The following CSMD1 variants were observed in gnomAD, a reference collection of about 807,000 sequenced individuals.
CSMD1 encodes the protein CUB and Sushi multiple domains 1.
CSMD1 carries 213 observed loss-of-function variants against 417.5 expected under a neutral mutation model. The ratio of observed to expected loss-of-function variants is 0.51; its 90% CI spans 0.46 to 0.57. The LOEUF is 0.57. CSMD1 is among the 20% of genes least tolerant of loss of function. The pLI is 0.00. For missense variants in CSMD1, 6,923 were observed against 4,529.7 expected (o/e 1.53, Z -15.17); for synonymous variants, 2,862 against 1,736.8 (o/e 1.65, Z -16.11).
At chr8:4,685,517 A>T (rs1051792833) in intron 1 of CSMD1, among the ~76,000 whole-genome samples, 2 of 152,104 alleles carry the variant, frequency 1.3e-5, no homozygotes, top group African/African-American at 4.8e-5. Context: ...CGGAGGTTGC[A>T]GTGAGTCGAG....
chr8:4,543,008 G>C (rs1797468673), intron 2 of CSMD1, among the ~76,000 whole-genome samples: 1 of 152,138 alleles, frequency 6.6e-6, no homozygotes, highest in African/African-American at 2.4e-5. Context: ...CTATATTTTA[G>C]AGTAGGTTTA....
chr8:3,515,669 G>A (rs1475077026), intron 10 of CSMD1, among the ~76,000 whole-genome samples: 1 of 152,154 alleles, frequency 6.6e-6, no homozygotes, highest in Non-Finnish European at 1.5e-5. Flanking sequence ...AGACCAACTT[G>A]GAACAAGTCA....
intron 52 of CSMD1, among the ~76,000 whole-genome samples, 163 bp from the exon 53 acceptor site, chr8:3,000,294 T>G (rs1216692795): frequency 6.6e-6 from 1 of 151,584 alleles, no homozygotes; most frequent in Non-Finnish European, 1.5e-5. Context: ...GTTTTTCTTT[T>G]TTTTATTATT....
chr8:3,897,927 T>C (rs1036988970), intron 5 of CSMD1, among the ~76,000 whole-genome samples: 1 of 152,336 alleles, frequency 6.6e-6, no homozygotes, highest in Non-Finnish European at 1.5e-5. Context: ...AGTGTATGTT[T>C]AGATATAGTT....
chr8:4,592,892 A>G (rs983015766), intron 2 of CSMD1, among the ~76,000 whole-genome samples: 6 of 152,088 alleles, frequency 3.9e-5, no homozygotes, highest in African/African-American at 1.4e-4. Context: ...CCCAAATTCT[A>G]TGTTAATATT....
At chr8:4,607,404 C>T (rs991242330) in intron 2 of CSMD1, among the ~76,000 whole-genome samples, 1 of 152,040 alleles carries the variant, frequency 6.6e-6, no homozygotes, top group African/African-American at 2.4e-5. Flanking sequence ...TAGAAAATTG[C>T]AGGCAACAAC....
intron 3 of CSMD1, among the ~76,000 whole-genome samples, chr8:4,121,311 C>T (rs947772844): frequency 4.6e-5 from 7 of 152,004 alleles, no homozygotes; most frequent in Admixed American, 3.3e-4. Flanking sequence ...GACACCGTTC[C>T]ACCATGTTGG....
intron 3 of CSMD1, among the ~76,000 whole-genome samples, chr8:4,115,968 A>T (rs762961095): frequency 5.5e-3 from 3 of 550 alleles, no homozygotes; most frequent in Non-Finnish European, 0.016. Context: ...TCATTATTTT[A>T]TTTATTTATT....
At chr8:4,603,571 T>C (rs1239254993) in intron 2 of CSMD1, among the ~76,000 whole-genome samples, 2 of 152,218 alleles carry the variant, frequency 1.3e-5, no homozygotes, top group South Asian at 2.1e-4. Context: ...AGTGACCTCA[T>C]GATTTCATTT....
rs533170260 is a variant in CSMD1 at position 3,667,331 on chromosome 8, C to T, written c.1009+41083G>A. Among the ~76,000 whole-genome samples, 16 of 151,916 alleles carry T rather than the reference C, an allele frequency of 1.1e-4. No homozygotes were observed. In the South Asian group the frequency reaches 1.3e-3, roughly 12 times the overall value. ...AGATAAAAAGAGAGTGAAGGGGTGG[C>T]AGGTGTCCCCTTGTGTAGGATGTCA... On this transcript the variant is annotated intron_variant, in intron 7 of 69. Transcript: ENST00000635120.
intron 2 of CSMD1, among the ~76,000 whole-genome samples, chr8:4,432,735 G>C (rs960076092): frequency 3.3e-5 from 5 of 152,186 alleles, no homozygotes; most frequent in Admixed American, 1.3e-4. Context: ...GTTCACAGGA[G>C]ATTTCAAACC....
chr8:4,660,493 C>G (rs577558120), intron 1 of CSMD1, among the ~76,000 whole-genome samples: 2 of 151,962 alleles, frequency 1.3e-5, no homozygotes, highest in African/African-American at 4.8e-5. Flanking sequence ...CAAATCCTAA[C>G]CCAACTTTTG....
chr8:4,414,389 A>G (rs1345362747), intron 3 of CSMD1, among the ~76,000 whole-genome samples: 2 of 152,190 alleles, frequency 1.3e-5, no homozygotes, highest in African/African-American at 4.8e-5. Context: ...CAAGGACTGT[A>G]TAGAACTGTA....
chr8:3,291,978 T>C (rs6558755), intron 25 of CSMD1, among the ~76,000 whole-genome samples: 135,895 of 150,950 alleles, frequency 0.9, 61,528 homozygotes, highest in Middle Eastern at 0.95. Flanking sequence ...CTATAAATTT[T>C]CCTCTACACA....
intron 5 of CSMD1, among the ~76,000 whole-genome samples, chr8:3,914,667 C>A (rs1808692945): frequency 1.3e-5 from 2 of 152,114 alleles, no homozygotes; most frequent in African/African-American, 4.8e-5. Flanking sequence ...CGTTAGTATG[C>A]ATTAAGTCAG....
At chr8:3,506,801 A>G (rs1796846420) in intron 10 of CSMD1, among the ~76,000 whole-genome samples, 2 of 152,174 alleles carry the variant, frequency 1.3e-5, no homozygotes, top group Admixed American at 6.5e-5. Flanking sequence ...CCACACCTGG[A>G]TTTTTTAAAT....
intron 12 of CSMD1, among the ~76,000 whole-genome samples, chr8:3,449,949 C>G (rs921538292): frequency 6.6e-6 from 1 of 152,216 alleles, no homozygotes; most frequent in Admixed American, 6.5e-5. Context: ...AAGACTCACA[C>G]AGCTTGCCAT....
chr8:3,660,044 G>C (rs140415991), intron 7 of CSMD1, among the ~76,000 whole-genome samples: 2 of 152,186 alleles, frequency 1.3e-5, no homozygotes, highest in South Asian at 2.1e-4. Flanking sequence ...TACTGTCCCT[G>C]TGTTCAGCAA....
chr8:3,677,330 T>A (rs111710339), intron 7 of CSMD1, among the ~76,000 whole-genome samples: 1 of 152,184 alleles, frequency 6.6e-6, no homozygotes, highest in Non-Finnish European at 1.5e-5. Flanking sequence ...TAACCATCTA[T>A]ACCTTTTAAA....
Sources: allele counts gnomAD v4.1 joint callset (sites outside exome capture counted in the v4.1 genomes callset), GRCh38; gene constraint gnomAD v4.1.1; transcripts MANE v1.5; gene names NCBI Gene and HGNC (gene_info 2026-07-23, HGNC 2026-07-21).